The following UBR3 variants were observed in gnomAD, a reference collection of about 807,000 sequenced individuals.
UBR3 encodes E3 ubiquitin-protein ligase UBR3.
A neutral mutation model predicts 243.2 loss-of-function variants in UBR3; 85 were observed. The observed-to-expected ratio is 0.35, with a 90% confidence interval of 0.29 to 0.42. The LOEUF is 0.42. UBR3 is among the 10% of genes least tolerant of loss of function. UBR3 has a pLI of 1.00. For synonymous variants in UBR3, 748 were observed against 799.8 expected (o/e 0.94, Z 1.09); for missense variants, 1,686 against 2,300.8 (o/e 0.73, Z 5.47).
At chr2:169,881,909 A>ATG (rs1269786772) in intron 5 of UBR3, among the ~76,000 whole-genome samples, 61 of 46,036 alleles carry the variant, frequency 1.3e-3, no homozygotes, top group Admixed American at 3.4e-3. Flanking sequence ...ATATAGGTAT[A>ATG]TGTATATGTA....
chr2:170,017,174 A>G (rs1464379786), intron 30 of UBR3, among the ~76,000 whole-genome samples: 1 of 151,228 alleles, frequency 6.6e-6, no homozygotes, highest in Non-Finnish European at 1.5e-5. Flanking sequence ...CATTTTTTTC[A>G]TCTTCCAGTG....
chr2:170,067,408 C>G (rs1344678871), intron 35 of UBR3, among the ~76,000 whole-genome samples: 1 of 152,148 alleles, frequency 6.6e-6, no homozygotes, highest in Non-Finnish European at 1.5e-5. Flanking sequence ...ACAGACAAAT[C>G]TACATTATAT....
chr2:170,048,066 T>C (rs2091130751), intron 32 of UBR3, among the ~76,000 whole-genome samples: 1 of 152,220 alleles, frequency 6.6e-6, no homozygotes, highest in East Asian at 1.9e-4. Context: ...TTTCTTGTTT[T>C]CTAGAGCTGG....
intron 1 of UBR3, among the ~76,000 whole-genome samples, chr2:169,847,501 A>G (rs1447707111): frequency 6.6e-6 from 1 of 152,110 alleles, no homozygotes; most frequent in African/African-American, 2.4e-5. Flanking sequence ...CCTTTATCCT[A>G]TTGTTGTCAA....
At chr2:169,907,299 A>T (rs1338814623) in intron 10 of UBR3, among the ~76,000 whole-genome samples, 1 of 152,054 alleles carries the variant, frequency 6.6e-6, no homozygotes, top group African/African-American at 2.4e-5. Context: ...TTGTAGGTAC[A>T]TGAATTTTCT....
intron 11 of UBR3, among the ~76,000 whole-genome samples, chr2:169,914,848 T>TTGTGTG (rs138233075): frequency 0.017 from 1,626 of 93,722 alleles, 45 homozygotes; most frequent in African/African-American, 0.046. Flanking sequence ...ATTTTATCTC[T>TTGTGTG]TGTGTGTGTG....
chr2:170,021,616 T>G (rs1460588380), intron 30 of UBR3, among the ~76,000 whole-genome samples: 2 of 152,182 alleles, frequency 1.3e-5, no homozygotes, highest in Non-Finnish European at 2.9e-5. Context: ...ACATAAACAT[T>G]CAGTCCATTG....
chr2:169,857,271 C>T (rs1040744845), intron 1 of UBR3, among the ~76,000 whole-genome samples: 12 of 151,450 alleles, frequency 7.9e-5, no homozygotes, highest in East Asian at 3.9e-4. Flanking sequence ...GATGGGGCTT[C>T]GCCACATTGG....
chr2:169,950,902 G>A (rs1231825044), intron 23 of UBR3, among the ~76,000 whole-genome samples: 2 of 151,424 alleles, frequency 1.3e-5, no homozygotes, highest in Non-Finnish European at 2.9e-5. Flanking sequence ...AAAAAAAAAA[G>A]AGCATGCCTT....
At chr2:170,020,325 T>C (rs1028375754) in intron 30 of UBR3, among the ~76,000 whole-genome samples, 1 of 152,194 alleles carries the variant, frequency 6.6e-6, no homozygotes, top group Non-Finnish European at 1.5e-5. Context: ...AGACTAGTTA[T>C]TGATCAGATT....
intron 31 of UBR3, among the ~76,000 whole-genome samples, chr2:170,032,013 G>A (rs966218697): frequency 6.6e-6 from 1 of 152,086 alleles, no homozygotes; most frequent in South Asian, 2.1e-4. Context: ...TTGGTAGAAC[G>A]ATTTATTTTC....
chr2:169,999,737 C>T (rs1487511621), intron 26 of UBR3, among the ~76,000 whole-genome samples: 8 of 152,122 alleles, frequency 5.3e-5, no homozygotes, highest in Non-Finnish European at 1.2e-4. Flanking sequence ...AATAAGTCTT[C>T]AGCCTATTTA....
Position 169,994,509 on chromosome 2 carries a change from C to A in UBR3, c.3918+53C>A, listed in dbSNP as rs567037150. The A allele has an allele frequency of 2.6e-5, 40 of 1,550,766 alleles. No homozygotes were observed. In the East Asian group the frequency reaches 8.6e-4, roughly 33 times the overall value. On this transcript the variant is annotated intron_variant, in intron 26 of 38. Coordinates refer to ENST00000272793, the MANE Select transcript of UBR3 (RefSeq NM_172070.4). ...TTGTCTGCCAAGTTGATGGTTATTT[C>A]CCTCCAGAATTTTACATGTCTTTTA...
chr2:169,950,903 A>G (rs923885530), intron 23 of UBR3, among the ~76,000 whole-genome samples: 11 of 151,984 alleles, frequency 7.2e-5, no homozygotes, highest in African/African-American at 2.7e-4. Flanking sequence ...AAAAAAAAAG[A>G]GCATGCCTTC....
At chr2:169,856,597 G>C (rs1161552570) in intron 1 of UBR3, among the ~76,000 whole-genome samples, 1 of 152,192 alleles carries the variant, frequency 6.6e-6, no homozygotes, top group Non-Finnish European at 1.5e-5. Context: ...TCGGGAGGCC[G>C]AGGCTGGCAG....
intron 1 of UBR3, among the ~76,000 whole-genome samples, chr2:169,839,427 G>A (rs947523208): frequency 1.3e-5 from 2 of 152,148 alleles, no homozygotes; most frequent in Non-Finnish European, 2.9e-5. Context: ...TGGTTTGATG[G>A]AAGAAATAAG....
chr2:169,950,480 T>C (rs1206831120), intron 23 of UBR3, among the ~76,000 whole-genome samples: 1 of 152,142 alleles, frequency 6.6e-6, no homozygotes, highest in Non-Finnish European at 1.5e-5. Context: ...TATTAATATA[T>C]GATTGCTGAT....
intron 31 of UBR3, among the ~76,000 whole-genome samples, chr2:170,034,734 G>C (rs1206359793): frequency 6.6e-6 from 1 of 151,844 alleles, no homozygotes; most frequent in East Asian, 1.9e-4. Flanking sequence ...GTTTAGTTTT[G>C]TGAGAAACCA....
At chr2:170,014,382 T>C (rs1420469690) in intron 29 of UBR3, 1 of 150,978 alleles carries the variant, frequency 6.6e-6, no homozygotes, top group East Asian at 1.9e-4. Context: ...TGGGAGACAG[T>C]ATCTCACTAT....
Sources: allele counts gnomAD v4.1 joint callset (sites outside exome capture counted in the v4.1 genomes callset), GRCh38; gene constraint gnomAD v4.1.1; transcripts MANE v1.5; gene names NCBI Gene and HGNC (gene_info 2026-07-23, HGNC 2026-07-21).